The following F13A1 variants were observed in gnomAD, a reference collection of about 807,000 sequenced individuals.
F13A1 encodes the protein coagulation factor XIII A chain.
F13A1 carries 47 observed loss-of-function variants against 80.1 expected under a neutral mutation model. The observed-to-expected ratio is 0.59, with a 90% CI of 0.46 to 0.75. The LOEUF (loss-of-function observed/expected upper bound fraction) is 0.75, where lower values mean the gene tolerates loss of function less well. Among genes scored for constraint, F13A1 ranks in the 30% least tolerant of loss-of-function variants. The pLI, the probability that F13A1 is intolerant of heterozygous loss-of-function variation, is 0.00. For missense variants in F13A1, 817 were observed against 930.4 expected (o/e 0.88, Z 1.59); for synonymous variants, 349 against 344.9 (o/e 1.01, Z -0.13).
At chr6:6,200,680 T>C (rs753660208) in intron 8 of F13A1, among the ~76,000 whole-genome samples, 2 of 151,980 alleles carry the variant, frequency 1.3e-5, no homozygotes, top group East Asian at 1.9e-4. Flanking sequence ...GGCATGTTCA[T>C]GGAGGAATGG....
At position 6,311,385 on chromosome 6, in the gene F13A1, A is replaced by G. The variant is rs191114610; in HGVS notation, c.131-5846T>C. On this transcript the variant is annotated intron_variant, in intron 2 of 14. Transcript: ENST00000264870. ...AGTTGAAGGTATGATGTGGGAATTT[A>G]TAACATAAGACCTCCAGATCAGCAG... is the stretch of plus-strand genomic sequence containing the variant. Among the ~76,000 whole-genome samples the G allele has an allele frequency of 2.2e-4, 34 of 152,238 alleles. 1 individual carries two copies. Among genetic ancestry groups the G allele is most frequent in the Admixed American group, 2.0e-3 (31 of 15,298 alleles).
At chr6:6,167,413 C>G (rs1760695322) in intron 13 of F13A1, 45 bp downstream of exon 13, 3 of 1,597,494 alleles carry the variant, frequency 1.9e-6, no homozygotes, top group Non-Finnish European at 2.6e-6. Flanking sequence ...AACACTAAGT[C>G]TGCGTGCCTT....
chr6:6,270,796 T>C (rs1245997131), intron 3 of F13A1, among the ~76,000 whole-genome samples: 2 of 152,062 alleles, frequency 1.3e-5, no homozygotes, highest in Non-Finnish European at 2.9e-5. Context: ...CAAAGGAATA[T>C]GAGGAAAAGG....
chr6:6,166,128 G>A (rs1760667539), intron 13 of F13A1, among the ~76,000 whole-genome samples: 1 of 152,252 alleles, frequency 6.6e-6, no homozygotes, highest in African/African-American at 2.4e-5. Flanking sequence ...TGGAAGCCCA[G>A]CTCCGCCATT....
intron 10 of F13A1, among the ~76,000 whole-genome samples, chr6:6,185,781 C>T (rs1005841505): frequency 3.9e-5 from 6 of 152,142 alleles, no homozygotes; most frequent in African/African-American, 1.2e-4. Context: ...GTTCTAGATC[C>T]CTGAGGAATC....
intron 6 of F13A1, among the ~76,000 whole-genome samples, chr6:6,225,683 T>G (rs1583081349): frequency 6.6e-6 from 1 of 152,044 alleles, no homozygotes; most frequent in African/African-American, 2.4e-5. Flanking sequence ...TTATTTTTTT[T>G]GTAGAGCCAG....
intron 6 of F13A1, among the ~76,000 whole-genome samples, chr6:6,246,794 A>G (rs1757560069): frequency 6.6e-6 from 1 of 152,216 alleles, no homozygotes; most frequent in African/African-American, 2.4e-5. Flanking sequence ...AAGTACACAC[A>G]GTGTGTGAGT....
chr6:6,318,899 ATG>A (rs1473456873), intron 1 of F13A1, among the ~76,000 whole-genome samples: 1 of 152,204 alleles, frequency 6.6e-6, no homozygotes, highest in African/African-American at 2.4e-5. Context: ...AGATTTTTGT[ATG>A]TGTCAAAACA....
At chr6:6,178,147 G>A (rs1215772597) in intron 11 of F13A1, among the ~76,000 whole-genome samples, 3 of 151,748 alleles carry the variant, frequency 2.0e-5, no homozygotes, top group Admixed American at 1.3e-4. Flanking sequence ...AGGGAAGGAG[G>A]GCCTGAGGAG....
chr6:6,305,194 A>C, intron 3 of F13A1, 157 bp downstream of exon 3: 1 of 824,438 alleles, frequency 1.2e-6, no homozygotes, highest in Non-Finnish European at 2.1e-6. Flanking sequence ...TATACAGACC[A>C]GTCTTAGAGC....
At chr6:6,276,539 C>T (rs1480399914) in intron 3 of F13A1, among the ~76,000 whole-genome samples, 1 of 152,204 alleles carries the variant, frequency 6.6e-6, no homozygotes, top group Non-Finnish European at 1.5e-5. Flanking sequence ...TTTCTATTTG[C>T]TCTATCACCT....
chr6:6,297,476 G>A lies in F13A1; in HGVS notation c.319+7875C>T, dbSNP rs367697288. Among the ~76,000 whole-genome samples, 72 of 151,292 alleles carry A rather than the reference G, an allele frequency of 4.8e-4. No individual in the cohort carries two copies. The East Asian group carries it at 8.5e-3, about 18-fold the overall frequency. ...CAACTTCTTCCTGGTTTAGTCTTGG[G>A]AGAGTGTATGTGTCCAGAAATTTAT... On this transcript the variant is annotated intron_variant, in intron 3 of 14. Transcript: ENST00000264870.
chr6:6,269,621 A>G (rs540907637), intron 3 of F13A1, among the ~76,000 whole-genome samples: 2 of 152,296 alleles, frequency 1.3e-5, no homozygotes, highest in East Asian at 3.9e-4. Context: ...GTTAATGATC[A>G]ATGTAATCTC....
chr6:6,213,253 GA>G (rs1320909843), intron 8 of F13A1, among the ~76,000 whole-genome samples: 67 of 151,554 alleles, frequency 4.4e-4, no homozygotes, highest in African/African-American at 1.5e-3. Flanking sequence ...TGAAATGAAG[GA>G]AAAAATGTTA....
At chr6:6,242,691 C>T (rs1219577810) in intron 6 of F13A1, among the ~76,000 whole-genome samples, 1 of 152,120 alleles carries the variant, frequency 6.6e-6, no homozygotes, top group East Asian at 1.9e-4. Context: ...AACAAACAAG[C>T]CCCCAGAAGA....
chr6:6,201,139 A>G (rs1162051276), intron 8 of F13A1, among the ~76,000 whole-genome samples: 1 of 152,224 alleles, frequency 6.6e-6, no homozygotes, highest in African/African-American at 2.4e-5. Flanking sequence ...CCTTATTTAA[A>G]TTCAAATATC....
At chr6:6,301,830 G>A (rs2113177706) in intron 3 of F13A1, among the ~76,000 whole-genome samples, 1 of 152,194 alleles carries the variant, frequency 6.6e-6, no homozygotes, top group South Asian at 2.1e-4. Context: ...GGTATAAAAG[G>A]TATAACAGGC....
At chr6:6,298,403 C>A (rs532479351) in intron 3 of F13A1, among the ~76,000 whole-genome samples, 2 of 150,006 alleles carry the variant, frequency 1.3e-5, no homozygotes, top group Non-Finnish European at 2.9e-5. Flanking sequence ...GTAGGTCACT[C>A]AGGACTTGCT....
At chr6:6,309,292 T>G (rs1758557809) in intron 2 of F13A1, among the ~76,000 whole-genome samples, 1 of 152,084 alleles carries the variant, frequency 6.6e-6, no homozygotes, top group Non-Finnish European at 1.5e-5. Context: ...GTGTCAGACA[T>G]CTCTGACAAA....
Sources: allele counts gnomAD v4.1 joint callset (sites outside exome capture counted in the v4.1 genomes callset), GRCh38; gene constraint gnomAD v4.1.1; transcripts MANE v1.5; gene names NCBI Gene and HGNC (gene_info 2026-07-23, HGNC 2026-07-21).